The following STX1B variants were observed in gnomAD, a reference collection of about 807,000 sequenced individuals.
The protein encoded by STX1B is syntaxin-1B.
STX1B carries 7 observed loss-of-function variants against 39.4 expected under a neutral mutation model. That is an observed-to-expected ratio of 0.18 (90% CI 0.10 to 0.33). The LOEUF is 0.33. STX1B is among the 10% of genes least tolerant of loss of function. STX1B has a pLI of 1.00. For missense variants in STX1B, 198 were observed against 383.2 expected, an observed-to-expected ratio of 0.52 and a Z score of 4.04; for synonymous variants, 136 against 144.1, an observed-to-expected ratio of 0.94 and a Z score of 0.40.
intron 1 of STX1B, among the ~76,000 whole-genome samples, chr16:31,007,773 A>G (rs1334230689): frequency 6.6e-6 from 1 of 152,198 alleles, no homozygotes; most frequent in Non-Finnish European, 1.5e-5. Context: ...CTGCTGGGTA[A>G]CAGACACACA....
chr16:31,003,273 G>A (rs2056640314), intron 1 of STX1B, among the ~76,000 whole-genome samples: 1 of 152,160 alleles, frequency 6.6e-6, no homozygotes, highest in Non-Finnish European at 1.5e-5. Context: ...CCAACCATCC[G>A]CCTGGAAAGG....
chr16:31,006,464 G>A (rs1009177935), intron 1 of STX1B, among the ~76,000 whole-genome samples: 10 of 152,232 alleles, frequency 6.6e-5, no homozygotes, highest in Non-Finnish European at 1.5e-4. Context: ...ATGTGGTGGT[G>A]AAGAAGACAG....
At chr16:31,002,376 G>T (rs527728042) in intron 1 of STX1B, among the ~76,000 whole-genome samples, 4 of 152,102 alleles carry the variant, frequency 2.6e-5, no homozygotes, top group African/African-American at 9.7e-5. Context: ...CACTGCCACC[G>T]ACAGACAGAC....
rs1193646526 is a variant in STX1B at position 30,994,216 on chromosome 16, C to T, written c.538-732G>A. Among the ~76,000 whole-genome samples, 4 of 148,928 alleles carry T rather than the reference C, an allele frequency of 2.7e-5. No homozygotes were observed. The East Asian group carries it at 6.0e-4, about 22-fold the overall frequency. On this transcript the variant is annotated intron_variant, in intron 7 of 9. Coordinates refer to ENST00000215095, the MANE Select transcript of STX1B (RefSeq NM_052874.5). ...CTGAGGCAGGAGAATGGCGTGAACCCGGGAGGCGGAGCTTGCAGTGAGCCG... is the reference window on the plus strand; with the variant it reads ...CTGAGGCAGGAGAATGGCGTGAACCTGGGAGGCGGAGCTTGCAGTGAGCCG...
intron 1 of STX1B, among the ~76,000 whole-genome samples, chr16:31,006,528 T>C (rs1445994014): frequency 6.6e-6 from 1 of 151,958 alleles, no homozygotes; most frequent in Non-Finnish European, 1.5e-5. Context: ...AGGCAGACAA[T>C]GGGAGGTGAA....
In STX1B at chr16:30,992,044, G is replaced by A. The variant is rs2056562162; in HGVS notation, c.*777C>T. On this transcript the variant is annotated 3_prime_UTR_variant, in exon 10 of 10. Transcript: ENST00000215095. ...AAACAGGTGTCCAGTCCACAGTGTG[G>A]AGGGCTCTATCTGAGAAGACCTATC... The A allele has an allele frequency of 1.3e-5, 2 of 151,350 alleles. No homozygotes were observed. The highest frequency in any genetic ancestry group is 4.2e-4 in the South Asian group (2 of 4,782). The allele number at this position is 151,350 out of a possible 1,614,324, so 9.4% of individuals were successfully genotyped here.
intron 1 of STX1B, among the ~76,000 whole-genome samples, chr16:31,006,843 G>A (rs374666232): frequency 8.7e-4 from 133 of 152,302 alleles, no homozygotes; most frequent in African/African-American, 3.0e-3. Context: ...AGCCGAGCGC[G>A]GTGGCTCATG....
In STX1B at chr16:31,001,067, C is replaced by T. The variant is rs534485369; in HGVS notation, c.205+27G>A. 2 of 1,614,080 alleles carry T rather than the reference C, an allele frequency of 1.2e-6. No individual in the cohort carries two copies. The highest frequency in any genetic ancestry group is 2.2e-5 in the South Asian group (2 of 91,088). On this transcript the variant is annotated intron_variant, in intron 3 of 9. Transcript: ENST00000215095. This position sits in a 1 kb window ranked among gnomAD's most constrained non-coding sequence, Gnocchi z 5.5. ...AACCCCAGGCCCCTTCTCCTCCCACCCCACAGTCACCGGCAGCCACACTCA... is the reference window on the plus strand; with the variant it reads ...AACCCCAGGCCCCTTCTCCTCCCACTCCACAGTCACCGGCAGCCACACTCA...
At chr16:30,994,109 G>A (rs550512383) in intron 7 of STX1B, among the ~76,000 whole-genome samples, 24 of 151,476 alleles carry the variant, frequency 1.6e-4, no homozygotes, top group Non-Finnish European at 2.9e-4. Flanking sequence ...TGGCTAATGC[G>A]GTGAAACTCC....
In STX1B at chr16:30,990,422, GAC is replaced by G. The variant is rs551253719; in HGVS notation, c.*2397_*2398del. 1.3e-5 allele frequency: 2 copies of G among 152,382 alleles called. No individual in the cohort carries two copies. The highest frequency in any genetic ancestry group is 2.1e-4 in the South Asian group (1 of 4,830). The allele number at this position is 152,382 out of a possible 1,614,324, so 9.4% of individuals were successfully genotyped here. On this transcript the variant is annotated 3_prime_UTR_variant, in exon 10 of 10. Coordinates refer to ENST00000215095, the MANE Select transcript of STX1B (RefSeq NM_052874.5). The stretch of plus-strand genomic sequence containing the variant: ...CTGGGGTTACGCACGTGGCCACACT[GAC>G]ACACACACAGGACAAGGGAGAGCTC...
In STX1B at chr16:30,997,582, G is replaced by A. The variant is rs986079804; in HGVS notation, c.281-7C>T. 1.9e-6 allele frequency: 3 copies of A among 1,604,620 alleles called. No homozygotes were observed. The highest frequency in any genetic ancestry group is 3.4e-5 in the Admixed American group (2 of 58,104). On this transcript the variant is annotated splice_region_variant and splice_polypyrimidine_tract_variant and intron_variant, in intron 4 of 9. Coordinates refer to ENST00000215095, the MANE Select transcript of STX1B (RefSeq NM_052874.5). ...TCAATGCTTTGCTCGATCGCTGCGG[G>A]AGAGAGGGCGCAGCGATGGGCGGGA...
intron 7 of STX1B, among the ~76,000 whole-genome samples, chr16:30,995,770 C>A (rs990137165): frequency 1.7e-4 from 26 of 152,098 alleles, no homozygotes; most frequent in Non-Finnish European, 3.4e-4. Flanking sequence ...GGATTACAGG[C>A]ATGAGCCACT....
chr16:30,993,108 C>G (rs2056572095), intron 9 of STX1B, 22 bp downstream of exon 9: 4 of 1,611,778 alleles, frequency 2.5e-6, no homozygotes, highest in Non-Finnish European at 2.5e-6. Flanking sequence ...CCGCCTACCC[C>G]CAGGCCGCCT....
chr16:30,998,844 A>AT (rs1403626972), intron 4 of STX1B, among the ~76,000 whole-genome samples: 6 of 152,186 alleles, frequency 3.9e-5, no homozygotes, highest in Admixed American at 3.9e-4. Context: ...TGATGGACCT[A>AT]GAGAAACCAT....
At position 31,001,318 on chromosome 16, in the gene STX1B, G is replaced by A. The variant is rs930799007; in HGVS notation, c.106-125C>T. ...CGGCTGATAAAAGGCCAGGGAGGGT[G>A]CAGGAGCAGGGAAGTGGGGGACAGG... On this transcript the variant is annotated intron_variant, in intron 2 of 9. Transcript: ENST00000215095. This position sits in a 1 kb window ranked among gnomAD's most constrained non-coding sequence, Gnocchi z 5.5. 4.9e-5 allele frequency: 48 copies of A among 975,370 alleles called. No individual in the cohort carries two copies. Among genetic ancestry groups the A allele is most frequent in the Non-Finnish European group, 6.5e-5 (41 of 635,414 alleles). The allele number at this position is 975,370 out of a possible 1,614,324, so 60.4% of individuals were successfully genotyped here.
chr16:31,007,821 T>G (rs2056662315), intron 1 of STX1B, among the ~76,000 whole-genome samples: 1 of 152,192 alleles, frequency 6.6e-6, no homozygotes, highest in African/African-American at 2.4e-5. Flanking sequence ...AGGCACCTGA[T>G]GCATATTAAC....
At chr16:30,999,087 GCTTTCATTTGT>G in intron 4 of STX1B, among the ~76,000 whole-genome samples, 1 of 152,098 alleles carries the variant, frequency 6.6e-6, no homozygotes, top group South Asian at 2.1e-4. Context: ...TTTTGAAATT[GCTTTCATTTGT>G]CTTACTGTAC....
In STX1B at chr16:31,001,510, G is replaced by T; in HGVS notation, c.105+19C>A. 1 of 1,590,886 alleles carries T rather than the reference G, an allele frequency of 6.3e-7. No individual in the cohort carries two copies. The highest frequency in any genetic ancestry group is 8.6e-7 in the Non-Finnish European group (1 of 1,167,048). On this transcript the variant is annotated intron_variant, in intron 2 of 9. Coordinates refer to ENST00000215095, the MANE Select transcript of STX1B (RefSeq NM_052874.5). This position sits in a 1 kb window ranked among gnomAD's most constrained non-coding sequence, Gnocchi z 5.5. ...TGCTGGGGCTGGGGCTGGGGCTGGG[G>T]GCCTTGGAGGCCCATTACCTGTTCA...
At chr16:30,994,421 CAAA>C (rs543652303) in intron 7 of STX1B, among the ~76,000 whole-genome samples, 19 of 111,324 alleles carry the variant, frequency 1.7e-4, no homozygotes, top group African/African-American at 4.8e-4. Context: ...TTGTTTCTAT[CAAA>C]AAAAAAAAAA....
Sources: gnomAD v4.1 joint callset for allele counts (sites outside exome capture counted in the v4.1 genomes callset) on GRCh38, gnomAD v4.1.1 for gene constraint, Gnocchi (gnomAD v3.1) non-coding constraint, MANE v1.5 for transcripts, NCBI Gene and HGNC (gene_info 2026-07-23, HGNC 2026-07-21) for gene names.